Variants in RGS8 observed in about 807,000 individuals in gnomAD.
RGS8 encodes the protein regulator of G protein signaling 8.
RGS8 carries 8 observed loss-of-function variants against 21.7 expected under a neutral mutation model. The ratio of observed to expected loss-of-function variants is 0.37; its 90% CI spans 0.22 to 0.66. The LOEUF is 0.66. Among genes scored for constraint, RGS8 ranks in the 30% least tolerant of loss-of-function variants. RGS8 has a pLI of 0.59. For missense variants in RGS8, 157 were observed against 217.9 expected, an observed-to-expected ratio of 0.72 and a Z score of 1.76; for synonymous variants, 80 against 83.6, an observed-to-expected ratio of 0.96 and a Z score of 0.24.
chr1:182,656,617 C>T (rs1181689378), intron 5 of RGS8, among the ~76,000 whole-genome samples: 1 of 152,206 alleles, frequency 6.6e-6, no homozygotes. Flanking sequence ...CAGGCAGCCT[C>T]AGCCCAAAAT....
the RGS8 span, among the ~76,000 whole-genome samples, chr1:182,700,340 A>C: frequency 3.9e-5 from 6 of 152,204 alleles, no homozygotes; most frequent in African/African-American, 1.4e-4. Flanking sequence ...ATGACCCCCA[A>C]AACATTCCCC....
chr1:182,645,313 T>A (rs1662655984), downstream of RGS8: 2 of 152,212 alleles, frequency 1.3e-5, no homozygotes, highest in Non-Finnish European at 2.9e-5. Context: ...GTAACTCCAC[T>A]CTGTTATCCT....
At position 182,648,695 on chromosome 1, in the gene RGS8, A is replaced by G. The variant is rs1473161531; in HGVS notation, c.194-392T>C. 2.0e-5 allele frequency among the ~76,000 whole-genome samples: 3 copies of G among 152,088 alleles called. No individual in the cohort carries two copies. In the East Asian group the frequency reaches 5.8e-4, roughly 29 times the overall value. ...GGTTGCAGTGAGCTGAGATCATGCC[A>G]TTGCACTCCAATCTGGGCGACAGAG... is the stretch of plus-strand genomic sequence containing the variant. On this transcript the variant is annotated intron_variant, in intron 5 of 6. Coordinates refer to ENST00000483095, the Ensembl canonical transcript of RGS8.
At chr1:182,701,050 T>C in the RGS8 span, among the ~76,000 whole-genome samples, 1 of 152,232 alleles carries the variant, frequency 6.6e-6, no homozygotes, top group Admixed American at 6.5e-5. Context: ...CATGTTTTCT[T>C]GAGAAGGTTT....
At chr1:182,699,343 G>A in the RGS8 span, among the ~76,000 whole-genome samples, 1 of 152,324 alleles carries the variant, frequency 6.6e-6, no homozygotes, top group South Asian at 2.1e-4. Flanking sequence ...GGTGTATGTG[G>A]AAGGGGATGG....
intron 5 of RGS8, among the ~76,000 whole-genome samples, chr1:182,649,044 G>A (rs615047): frequency 0.013 from 1,983 of 152,102 alleles, 55 homozygotes; most frequent in African/African-American, 0.045. Flanking sequence ...AGGTTGCAGT[G>A]AGCCGAGATC....
chr1:182,676,008 G>A (rs1466599779), upstream of RGS8, among the ~76,000 whole-genome samples: 1 of 152,148 alleles, frequency 6.6e-6, no homozygotes, highest in East Asian at 1.9e-4. Context: ...ATTCTTTATG[G>A]TAGAAACATG....
intron 5 of RGS8, among the ~76,000 whole-genome samples, chr1:182,662,354 C>T (rs1394083228): frequency 6.6e-6 from 1 of 152,132 alleles, no homozygotes; most frequent in East Asian, 1.9e-4. Flanking sequence ...GGTTATTGCC[C>T]AGCCTCTCTG....
chr1:182,740,169 A>G, the RGS8 span, among the ~76,000 whole-genome samples: 1 of 152,214 alleles, frequency 6.6e-6, no homozygotes, highest in Admixed American at 6.5e-5. Flanking sequence ...TTGCAGTCCA[A>G]GGATGTACTT....
chr1:182,742,507 C>G, the RGS8 span, among the ~76,000 whole-genome samples: 1 of 152,232 alleles, frequency 6.6e-6, no homozygotes, highest in Non-Finnish European at 1.5e-5. Flanking sequence ...GAGGCCGAGG[C>G]TGGCGGATCA....
intron 5 of RGS8, among the ~76,000 whole-genome samples, chr1:182,652,853 G>A (rs540784334): frequency 6.6e-6 from 1 of 152,268 alleles, no homozygotes; most frequent in East Asian, 1.9e-4. Flanking sequence ...GGGAGGTAGA[G>A]GAGAGGGCAG....
the RGS8 span, among the ~76,000 whole-genome samples, chr1:182,716,238 G>A: frequency 1.3e-5 from 2 of 151,008 alleles, no homozygotes; most frequent in Non-Finnish European, 2.9e-5. Flanking sequence ...CAATTCTCCT[G>A]CATCAGCCTC....
At chr1:182,740,551 T>TG in the RGS8 span, among the ~76,000 whole-genome samples, 34 of 109,800 alleles carry the variant, frequency 3.1e-4, no homozygotes, top group Non-Finnish European at 4.1e-4. Flanking sequence ...TTTGTTTGTT[T>TG]TTTTTTTTTT....
the RGS8 span, among the ~76,000 whole-genome samples, chr1:182,751,828 T>C: frequency 6.6e-6 from 1 of 152,182 alleles, no homozygotes; most frequent in African/African-American, 2.4e-5. Flanking sequence ...GAAGCAACCT[T>C]CCAGAATACG....
chr1:182,740,531 G>GT, the RGS8 span, among the ~76,000 whole-genome samples: 3 of 84,430 alleles, frequency 3.6e-5, no homozygotes, highest in Non-Finnish European at 7.5e-5. Flanking sequence ...AACTCATGTT[G>GT]TTTTTTTTGT....
chr1:182,720,905 A>ATG, the RGS8 span, among the ~76,000 whole-genome samples: 54,127 of 101,262 alleles, frequency 0.53, 13,943 homozygotes, highest in Admixed American at 0.62. Context: ...ATATATACAT[A>ATG]TGTGTGTGTA....
At chr1:182,731,698 A>G in the RGS8 span, among the ~76,000 whole-genome samples, 1 of 152,240 alleles carries the variant, frequency 6.6e-6, no homozygotes, top group Non-Finnish European at 1.5e-5. Flanking sequence ...TGTTCTCTCC[A>G]TTAATGGACT....
chr1:182,646,657 G>T, exon 7 of RGS8: 2 of 1,336,724 alleles, frequency 1.5e-6, no homozygotes, highest in South Asian at 1.4e-5. Flanking sequence ...GAACACCTAT[G>T]ACATTTCACA....
At chr1:182,734,547 T>C in the RGS8 span, 1 of 152,240 alleles carries the variant, frequency 6.6e-6, no homozygotes, top group African/African-American at 2.4e-5. Context: ...TATGTCCTTC[T>C]TTGACTTTGT....
Sources: gnomAD v4.1 joint callset for allele counts (sites outside exome capture counted in the v4.1 genomes callset) on GRCh38, gnomAD v4.1.1 for gene constraint, MANE v1.5 for transcripts, NCBI Gene and HGNC (gene_info 2026-07-23, HGNC 2026-07-21) for gene names.